The following ESCO1 variants were observed in gnomAD, a reference collection of about 807,000 sequenced individuals.
The protein encoded by ESCO1 is N-acetyltransferase ESCO1.
A neutral mutation model predicts 83.5 loss-of-function variants in ESCO1; 33 were observed. That is an observed-to-expected ratio of 0.40 (90% CI 0.30 to 0.53). The LOEUF is 0.53. Ranked by LOEUF, ESCO1 falls within the 20% of genes least tolerant of loss-of-function variation. ESCO1 has a pLI of 0.63. For missense variants in ESCO1, 855 were observed against 968.0 expected (o/e 0.88, Z 1.55); for synonymous variants, 332 against 324.3 (o/e 1.02, Z -0.25).
intron 1 of ESCO1, among the ~76,000 whole-genome samples, chr18:21,598,397 C>A (rs1211069290): frequency 6.6e-6 from 1 of 152,026 alleles, no homozygotes; most frequent in Non-Finnish European, 1.5e-5. Flanking sequence ...TTGTATGGGA[C>A]GGACATTAAA....
chr18:21,547,520 T>C (rs766068524), intron 8 of ESCO1, among the ~76,000 whole-genome samples: 9 of 152,172 alleles, frequency 5.9e-5, no homozygotes, highest in Non-Finnish European at 1.0e-4. Flanking sequence ...ACATATAGTA[T>C]ACAAATGTCT....
At chr18:21,572,272 AGTTTGATCTAT>A (rs1204093540) in intron 4 of ESCO1, among the ~76,000 whole-genome samples, 2 of 152,232 alleles carry the variant, frequency 1.3e-5, no homozygotes, top group African/African-American at 4.8e-5. Context: ...CAAATAAATC[AGTTTGATCTAT>A]GTTAGAGTTC....
intron 4 of ESCO1, among the ~76,000 whole-genome samples, chr18:21,571,896 T>C (rs1312550286): frequency 2.0e-5 from 3 of 152,222 alleles, no homozygotes; most frequent in Non-Finnish European, 2.9e-5. Context: ...CCTGTCTATA[T>C]AGAAAATAAA....
rs567758814 is a variant in ESCO1 at position 21,555,444 on chromosome 18, T to C, written c.1953+5415A>G. Reference sequence around the variant, plus strand: ...TGTGTCAGTGTAGGTTCACCAGTTATAACAAATGTACAACTATGATAAGGG... The same window carrying C: ...TGTGTCAGTGTAGGTTCACCAGTTACAACAAATGTACAACTATGATAAGGG... On this transcript the variant is annotated intron_variant, in intron 8 of 11. Coordinates refer to ENST00000269214, the MANE Select transcript of ESCO1 (RefSeq NM_052911.3). Among the ~76,000 whole-genome samples the C allele has an allele frequency of 2.6e-5, 4 of 152,312 alleles. No homozygotes were observed. In the East Asian group the frequency reaches 5.8e-4, roughly 22 times the overall value.
chr18:21,571,157 C>T (rs867341493), intron 4 of ESCO1, among the ~76,000 whole-genome samples: 5 of 151,718 alleles, frequency 3.3e-5, no homozygotes, highest in African/African-American at 1.2e-4. Context: ...AATTTCAAAC[C>T]GTAAGATTTT....
In ESCO1 at chr18:21,574,173, G is replaced by A. The variant is rs1413696338; in HGVS notation, c.671C>T (p.Ser224Phe). 1 of 1,613,730 alleles carries A rather than the reference G, an allele frequency of 6.2e-7. No individual in the cohort carries two copies. The highest frequency in any genetic ancestry group is 8.5e-7 in the Non-Finnish European group (1 of 1,180,002). ...AGTAGTCTTCTGAGGACACTTTTCA[G>A]ATCCTTGCGTGCATTGAGAACTACA... ...CACSSQCTQG[S>F]EKCPQKTTRR... The change falls in exon 4 of 12, where the codon TCT (serine) becomes TTT (phenylalanine). Residue 224 changes from serine to phenylalanine, a missense_variant. Ser to Phe is a radical substitution (Grantham distance 155, BLOSUM62 -2). Transcript: ENST00000269214.
intron 8 of ESCO1, among the ~76,000 whole-genome samples, chr18:21,558,746 A>C (rs1024679365): frequency 2.0e-5 from 3 of 151,894 alleles, no homozygotes; most frequent in Middle Eastern, 3.2e-3. Flanking sequence ...AAAAAAAAAA[A>C]AACTTGTTTT....
chr18:21,581,764 A>G (rs1161468372), intron 2 of ESCO1, among the ~76,000 whole-genome samples: 2 of 152,158 alleles, frequency 1.3e-5, no homozygotes, highest in Admixed American at 1.3e-4. Flanking sequence ...CACACCTGTA[A>G]TAACAGCTAC....
At chr18:21,591,660 CTT>C (rs34643359) in intron 1 of ESCO1, among the ~76,000 whole-genome samples, 3 of 140,430 alleles carry the variant, frequency 2.1e-5, no homozygotes, top group African/African-American at 5.3e-5. Flanking sequence ...ACCACAGATG[CTT>C]TTTTTTTTTT....
intron 8 of ESCO1, among the ~76,000 whole-genome samples, chr18:21,555,322 T>C (rs1262247967): frequency 6.6e-6 from 1 of 152,186 alleles, no homozygotes; most frequent in Non-Finnish European, 1.5e-5. Context: ...TTCTATATGA[T>C]ATCATAATGG....
chr18:21,546,962 AC>A (rs1218868383), intron 8 of ESCO1, among the ~76,000 whole-genome samples: 1 of 152,158 alleles, frequency 6.6e-6, no homozygotes, highest in Non-Finnish European at 1.5e-5. Context: ...CAACACAGTC[AC>A]AAGTCATAAT....
At chr18:21,583,346 G>GA (rs371164834) in intron 2 of ESCO1, among the ~76,000 whole-genome samples, 19 of 146,556 alleles carry the variant, frequency 1.3e-4, no homozygotes, top group East Asian at 6.1e-4. Context: ...ATAAAAAAAA[G>GA]AAAAAAAAAA....
intron 2 of ESCO1, among the ~76,000 whole-genome samples, chr18:21,583,578 A>G (rs2570957): frequency 0.48 from 73,385 of 151,586 alleles, 21,182 homozygotes; most frequent in Non-Finnish European, 0.65. Flanking sequence ...CAGGAGGCAG[A>G]GGTCATGGTG....
rs758129655 is a variant in ESCO1 at position 21,568,076 on chromosome 18, C to G, written c.1549G>C (p.Glu517Gln). The change falls in exon 5 of 12, where the codon GAA becomes CAA. Residue 517 changes from glutamate to glutamine, a missense_variant. By Grantham distance (29) the Glu-to-Gln change is conservative. This residue lies in a region of ESCO1 where 726 missense variants were observed against 699.5 expected (regional missense o/e 1.04). Coordinates refer to ENST00000269214, the MANE Select transcript of ESCO1 (RefSeq NM_052911.3). ...ACTGGACTGTTTTCTAGCTTGGATT[C>G]CAAACATTGGCTGAAATTCTGAACA... ...ASNKNFSQCL[E>Q]SKLENSPVEN... The G allele has an allele frequency of 6.2e-7, 1 of 1,613,598 alleles. No individual in the cohort carries two copies. The highest frequency in any genetic ancestry group is 1.7e-5 in the Admixed American group (1 of 59,964).
intron 1 of ESCO1, among the ~76,000 whole-genome samples, chr18:21,586,766 G>A (rs2038587831): frequency 6.6e-6 from 1 of 152,104 alleles, no homozygotes; most frequent in African/African-American, 2.4e-5. Context: ...ACCTTGGCTA[G>A]AACCTCCAGT....
intron 10 of ESCO1, among the ~76,000 whole-genome samples, chr18:21,533,765 A>C (rs1345346437): frequency 6.6e-6 from 1 of 152,218 alleles, no homozygotes; most frequent in African/African-American, 2.4e-5. Context: ...AGTATGGCAA[A>C]CTTCTATGAA....
chr18:21,575,646 C>T (rs2038409581), intron 3 of ESCO1, 26 bp downstream of exon 3: 1 of 398,192 alleles, frequency 2.5e-6, no homozygotes, highest in African/African-American at 2.1e-5. Context: ...AGTTGAAAAT[C>T]AGTGTATTCC....
chr18:21,532,469 T>C lies in ESCO1; in HGVS notation c.2375+4A>G. 6.2e-7 allele frequency: 1 copy of C among 1,601,542 alleles called. No individual in the cohort carries two copies. Among genetic ancestry groups the C allele is most frequent in the Non-Finnish European group, 8.5e-7 (1 of 1,170,542 alleles). On this transcript the variant is annotated splice_donor_region_variant and intron_variant, in intron 11 of 11. Transcript: ENST00000269214. ...AATGATTTGAAGGATTACATTCAAGTTACCTTAGGCATTCAATCATGCGAG... is the reference window on the plus strand; with the variant it reads ...AATGATTTGAAGGATTACATTCAAGCTACCTTAGGCATTCAATCATGCGAG...
At chr18:21,576,756 C>T (rs1038480619) in intron 2 of ESCO1, among the ~76,000 whole-genome samples, 26 of 152,022 alleles carry the variant, frequency 1.7e-4, no homozygotes, top group African/African-American at 5.8e-4. Context: ...CTCAAAAGGC[C>T]GGGTGCGGTG....
Sources: allele counts gnomAD v4.1 joint callset (sites outside exome capture counted in the v4.1 genomes callset), GRCh38; gene constraint gnomAD v4.1.1; regional missense constraint gnomAD v4.1.1; transcripts MANE v1.5; gene names NCBI Gene and HGNC (gene_info 2026-07-23, HGNC 2026-07-21).